Variants in PTPN2 observed in about 807,000 individuals in gnomAD.
PTPN2 encodes the protein tyrosine-protein phosphatase non-receptor type 2.
Under a neutral mutation model 57.3 loss-of-function variants are expected in PTPN2, and 19 were observed. The observed-to-expected ratio is 0.33, with a 90% CI of 0.23 to 0.49. PTPN2 has a LOEUF of 0.49. PTPN2 is among the 20% of genes least tolerant of loss of function. The pLI is 0.99. For synonymous variants in PTPN2, 153 were observed against 164.9 expected (o/e 0.93, Z 0.55); for missense variants, 358 against 501.1 (o/e 0.71, Z 2.73).
chr18:12,832,942 C>T (rs1301837289), intron 3 of PTPN2, among the ~76,000 whole-genome samples: 1 of 152,166 alleles, frequency 6.6e-6, no homozygotes, highest in Non-Finnish European at 1.5e-5. Context: ...GCGTGCACCA[C>T]CATGCCAGGC....
chr18:12,869,405 C>A (rs1002363357), intron 1 of PTPN2, among the ~76,000 whole-genome samples: 2 of 152,208 alleles, frequency 1.3e-5, no homozygotes, highest in Admixed American at 1.3e-4. Flanking sequence ...AAGCAATCTG[C>A]CTGCCTCGGC....
At chr18:12,855,209 G>A (rs1049907621) in intron 2 of PTPN2, among the ~76,000 whole-genome samples, 1 of 152,186 alleles carries the variant, frequency 6.6e-6, no homozygotes, top group Non-Finnish European at 1.5e-5. Context: ...GGAGGGTGGA[G>A]AGACAAATGG....
intron 7 of PTPN2, among the ~76,000 whole-genome samples, chr18:12,809,900 C>T (rs58795044): frequency 0.014 from 2,159 of 152,220 alleles, 52 homozygotes; most frequent in African/African-American, 0.049. Context: ...GAAAAAGGCA[C>T]GCCTGGCACA....
At chr18:12,809,816 G>A (rs1054475188) in intron 7 of PTPN2, among the ~76,000 whole-genome samples, 23 of 152,166 alleles carry the variant, frequency 1.5e-4, no homozygotes, top group Non-Finnish European at 8.8e-5. Flanking sequence ...AAATCTCTGG[G>A]AAATCCATTC....
intron 7 of PTPN2, among the ~76,000 whole-genome samples, chr18:12,812,061 C>T (rs1056043513): frequency 1.3e-5 from 2 of 152,158 alleles, no homozygotes; most frequent in African/African-American, 4.8e-5. Flanking sequence ...GATCTTACAA[C>T]ATTAGTTCTG....
At chr18:12,836,729 T>C in intron 3 of PTPN2, 62 bp downstream of exon 3, 1 of 1,080,036 alleles carries the variant, frequency 9.3e-7, no homozygotes, top group South Asian at 1.4e-5. Context: ...TACCTATGAT[T>C]TAAAGCAGAA....
At chr18:12,879,035 T>C (rs1192670575) in intron 1 of PTPN2, among the ~76,000 whole-genome samples, 3 of 152,122 alleles carry the variant, frequency 2.0e-5, no homozygotes, top group Non-Finnish European at 4.4e-5. Context: ...CAATCAGCAG[T>C]GACAAAAGGA....
chr18:12,833,954 CCAGACA>C (rs2042759531), intron 3 of PTPN2, among the ~76,000 whole-genome samples: 2 of 152,138 alleles, frequency 1.3e-5, no homozygotes, highest in South Asian at 4.1e-4. Context: ...GAAGAAAAAG[CCAGACA>C]CAGGCTTCTG....
intron 5 of PTPN2, 131 bp downstream of exon 5, chr18:12,825,679 C>A: frequency 1.3e-6 from 1 of 773,358 alleles, no homozygotes; most frequent in Non-Finnish European, 1.9e-6. Context: ...AATCTAAAAA[C>A]ACGTGATTAT....
intron 7 of PTPN2, among the ~76,000 whole-genome samples, chr18:12,807,586 A>AAAAAAAAATATATATATATATAT: frequency 8.5e-5 from 3 of 35,192 alleles, no homozygotes; most frequent in South Asian, 2.5e-3. Flanking sequence ...AAAAAAAAAA[A>AAAAAAAAATATATATATATATAT]ATATATATAT....
At chr18:12,827,043 C>A (rs976432617) in intron 4 of PTPN2, among the ~76,000 whole-genome samples, 1 of 152,124 alleles carries the variant, frequency 6.6e-6, no homozygotes, top group African/African-American at 2.4e-5. Flanking sequence ...ATAATTTTAT[C>A]TTCAAAATAA....
chr18:12,826,231 T>C (rs2042452067), intron 4 of PTPN2, among the ~76,000 whole-genome samples: 1 of 152,148 alleles, frequency 6.6e-6, no homozygotes, highest in African/African-American at 2.4e-5. Flanking sequence ...GGTGAAACCC[T>C]GTCTCTACTA....
At chr18:12,880,831 C>G (rs989051411) in intron 1 of PTPN2, 7 of 152,228 alleles carry the variant, frequency 4.6e-5, no homozygotes, top group African/African-American at 1.7e-4. Context: ...CCCATGTGTT[C>G]ATGATTTCCA....
At chr18:12,871,102 C>T (rs2044256391) in intron 1 of PTPN2, among the ~76,000 whole-genome samples, 1 of 152,134 alleles carries the variant, frequency 6.6e-6, no homozygotes, top group South Asian at 2.1e-4. Context: ...TACTGTTTTG[C>T]ACTTTGATTT....
intron 7 of PTPN2, among the ~76,000 whole-genome samples, chr18:12,813,700 A>G (rs2041973271): frequency 6.6e-6 from 1 of 152,242 alleles, no homozygotes; most frequent in Non-Finnish European, 1.5e-5. Flanking sequence ...AGTACATAAC[A>G]CAAGTTTCTG....
At chr18:12,838,646 TAC>T (rs1487316512) in intron 2 of PTPN2, among the ~76,000 whole-genome samples, 1 of 152,164 alleles carries the variant, frequency 6.6e-6, no homozygotes, top group Admixed American at 6.5e-5. Context: ...AACATTAATA[TAC>T]AGAGTCAACA....
chr18:12,874,630 AG>A (rs2044419315), intron 1 of PTPN2, among the ~76,000 whole-genome samples: 4 of 106,710 alleles, frequency 3.7e-5, no homozygotes, highest in Admixed American at 3.7e-4. Flanking sequence ...TCCGGGAGGG[AG>A]GTGGGGGGGT....
chr18:12,872,477 T>C (rs1050221820), intron 1 of PTPN2, among the ~76,000 whole-genome samples: 2 of 152,224 alleles, frequency 1.3e-5, no homozygotes, highest in African/African-American at 4.8e-5. Flanking sequence ...AGTTATTCAT[T>C]GCATTCCCTT....
At chr18:12,800,332 A>T (rs1472517124) in intron 8 of PTPN2, among the ~76,000 whole-genome samples, 2 of 152,120 alleles carry the variant, frequency 1.3e-5, no homozygotes, top group Non-Finnish European at 2.9e-5. Flanking sequence ...CCTGTTTTTC[A>T]TTTAATTCTG....
Sources: allele counts gnomAD v4.1 joint callset (sites outside exome capture counted in the v4.1 genomes callset), GRCh38; gene constraint gnomAD v4.1.1; transcripts MANE v1.5; gene names NCBI Gene and HGNC (gene_info 2026-07-23, HGNC 2026-07-21).